The following LCORL variants were observed in gnomAD, a reference collection of about 807,000 sequenced individuals.
LCORL encodes the protein ligand-dependent nuclear receptor corepressor-like protein.
LCORL carries 41 observed loss-of-function variants against 141.8 expected under a neutral mutation model. The observed-to-expected ratio is 0.29, with a 90% CI of 0.23 to 0.38. The LOEUF (loss-of-function observed/expected upper bound fraction) is 0.38. Among genes scored for constraint, LCORL ranks in the 10% least tolerant of loss-of-function variants. LCORL has a pLI of 1.00. For missense variants in LCORL, 1,759 were observed against 2,035.0 expected (o/e 0.86, Z 2.61); for synonymous variants, 618 against 694.1 (o/e 0.89, Z 1.72).
intron 4 of LCORL, among the ~76,000 whole-genome samples, chr4:17,950,652 G>A (rs1284406066): frequency 6.6e-6 from 1 of 152,098 alleles, no homozygotes; most frequent in African/African-American, 2.4e-5. Flanking sequence ...TAAAGCAAAA[G>A]TCTTACATCT....
At chr4:17,875,031 C>T (rs965206552) in exon 7 of LCORL, 21 of 1,233,384 alleles carry the variant, frequency 1.7e-5, no homozygotes, top group African/African-American at 1.2e-4. Context: ...AGCAATCATA[C>T]GTTTTGATCC....
chr4:17,915,675 GGA>G (rs1358620847), intron 4 of LCORL, among the ~76,000 whole-genome samples: 1 of 152,162 alleles, frequency 6.6e-6, no homozygotes, highest in African/African-American at 2.4e-5. Context: ...TTATGTAATG[GGA>G]GAGTTTCACA....
chr4:17,865,186 T>C (rs1033390858), intron 7 of LCORL, among the ~76,000 whole-genome samples: 1 of 152,154 alleles, frequency 6.6e-6, no homozygotes, highest in Non-Finnish European at 1.5e-5. Context: ...TCAACGGCAG[T>C]AGAATATACA....
intron 1 of LCORL, among the ~76,000 whole-genome samples, chr4:17,982,606 G>T (rs966603019): frequency 2.6e-5 from 4 of 151,960 alleles, no homozygotes; most frequent in African/African-American, 7.3e-5. Context: ...TCCTTTGCCC[G>T]CTTTTTAATG....
chr4:18,013,921 C>A (rs1280217604), intron 1 of LCORL, among the ~76,000 whole-genome samples: 1 of 151,788 alleles, frequency 6.6e-6, no homozygotes, highest in Non-Finnish European at 1.5e-5. Context: ...GATTCTTGTG[C>A]CTCAGCCTCC....
chr4:17,874,567 T>C, exon 7 of LCORL: 5 of 1,233,772 alleles, frequency 4.1e-6, no homozygotes, highest in Non-Finnish European at 5.1e-6. Flanking sequence ...CTTGCTACTT[T>C]GAAATGATCA....
chr4:17,883,708 CTAACAAG>C (rs1278172033), intron 6 of LCORL: 2 of 1,506,866 alleles, frequency 1.3e-6, no homozygotes, highest in South Asian at 2.6e-5. Context: ...AAACATTTTC[CTAACAAG>C]TAATCTACAC....
At chr4:17,866,772 CAAG>C (rs759193865) in intron 7 of LCORL, among the ~76,000 whole-genome samples, 18 of 151,804 alleles carry the variant, frequency 1.2e-4, no homozygotes, top group Non-Finnish European at 2.2e-4. Flanking sequence ...AGCTCCATGA[CAAG>C]AAAACTGTTA....
At chr4:17,870,243 G>A (rs1263666680) in intron 7 of LCORL, among the ~76,000 whole-genome samples, 1 of 152,126 alleles carries the variant, frequency 6.6e-6, no homozygotes, top group Non-Finnish European at 1.5e-5. Flanking sequence ...GTTCAAGCAA[G>A]GTGTGGGCTA....
intron 7 of LCORL, among the ~76,000 whole-genome samples, chr4:17,858,021 A>G (rs1010561103): frequency 6.6e-6 from 1 of 152,206 alleles, no homozygotes; most frequent in Non-Finnish European, 1.5e-5. Flanking sequence ...TAATAAGGGG[A>G]AAAGTCATTA....
chr4:17,852,811 TTTAAA>T (rs1261496582), intron 7 of LCORL, among the ~76,000 whole-genome samples: 1 of 152,170 alleles, frequency 6.6e-6, no homozygotes, highest in African/African-American at 2.4e-5. Flanking sequence ...TTATTTGTGA[TTTAAA>T]TTAATGATTA....
At position 17,884,698 on chromosome 4, in the gene LCORL, A is replaced by G; in HGVS notation, c.776+1370T>C. ...CTTTCAAAGCTTTTGAGAGCAAACC[A>G]TCTGCAAACTCAGCACTTCTTTCCA... On this transcript the variant is annotated intron_variant, in intron 6 of 7. Coordinates refer to ENST00000635767, the Ensembl canonical transcript of LCORL. The surrounding 1 kb of genome is among the most constrained non-coding windows in gnomAD (Gnocchi z 4.4). 6 of 1,516,402 alleles carry G rather than the reference A, an allele frequency of 4.0e-6. No individual in the cohort carries two copies. Among genetic ancestry groups the G allele is most frequent in the Non-Finnish European group, 4.4e-6 (5 of 1,134,810 alleles). 93.9% of individuals were successfully genotyped at this position (1,516,402 alleles called of 1,614,324 possible).
intron 4 of LCORL, among the ~76,000 whole-genome samples, chr4:17,931,791 T>C (rs1457079306): frequency 6.6e-6 from 1 of 152,174 alleles, no homozygotes; most frequent in African/African-American, 2.4e-5. Flanking sequence ...TATTTGAGAA[T>C]TGAGTTCAAT....
chr4:18,001,298 ATAG>A (rs34722900), intron 1 of LCORL, among the ~76,000 whole-genome samples: 1 of 99,540 alleles, frequency 1.0e-5, no homozygotes, highest in African/African-American at 5.5e-5. Context: ...GTATTAATAG[ATAG>A]TCAATAAAAG....
chr4:17,995,254 T>C (rs942413104), intron 1 of LCORL, among the ~76,000 whole-genome samples: 2 of 151,832 alleles, frequency 1.3e-5, no homozygotes, highest in African/African-American at 4.8e-5. Context: ...TTTAGGCATA[T>C]GTCAGATGTA....
intron 7 of LCORL, among the ~76,000 whole-genome samples, chr4:17,848,858 A>G (rs1402680010): frequency 1.3e-5 from 2 of 152,146 alleles, no homozygotes; most frequent in African/African-American, 2.4e-5. Flanking sequence ...GGCTTAAAAA[A>G]CGGCACACCA....
At chr4:17,948,870 G>A (rs183920936) in intron 4 of LCORL, among the ~76,000 whole-genome samples, 106 of 151,404 alleles carry the variant, frequency 7.0e-4, no homozygotes, top group Admixed American at 2.5e-3. Flanking sequence ...AGGAGAAAAC[G>A]GTACAGTGAA....
At chr4:17,906,571 C>T (rs1205030395) in intron 5 of LCORL, among the ~76,000 whole-genome samples, 3 of 152,054 alleles carry the variant, frequency 2.0e-5, no homozygotes, top group African/African-American at 7.2e-5. Context: ...TTTGTTTAGA[C>T]TATTACAATA....
intron 4 of LCORL, chr4:17,912,958 A>C: frequency 2.2e-6 from 1 of 455,894 alleles, no homozygotes; most frequent in Admixed American, 2.3e-5. Flanking sequence ...GACCAGTGAC[A>C]CCAAAGTTCT....
Sources: allele counts gnomAD v4.1 joint callset (sites outside exome capture counted in the v4.1 genomes callset), GRCh38; gene constraint gnomAD v4.1.1; non-coding constraint Gnocchi (gnomAD v3.1); transcripts MANE v1.5; gene names NCBI Gene and HGNC (gene_info 2026-07-23, HGNC 2026-07-21).